CCDC73: variants seen among roughly 807,000 people sequenced by gnomAD.
CCDC73 encodes the protein coiled-coil domain-containing protein 73.
A neutral mutation model predicts 116.5 loss-of-function variants in CCDC73; 95 were observed. The observed-to-expected ratio is 0.82, with a 90% CI of 0.69 to 0.97. The LOEUF (loss-of-function observed/expected upper bound fraction) is 0.97, where lower values mean the gene tolerates loss of function less well. CCDC73 is among the 50% of genes least tolerant of loss of function. The probability of loss-of-function intolerance (pLI) is 0.00; values close to 1 mark genes in which losing one functional copy is unlikely to be tolerated. For synonymous variants in CCDC73, 398 were observed against 401.3 expected (o/e 0.99, Z 0.10); for missense variants, 1,066 against 1,206.8 (o/e 0.88, Z 1.73).
At position 32,613,489 on chromosome 11, in the gene CCDC73, T is replaced by C; in HGVS notation, c.2829A>G (p.Lys943=). Reference sequence around the variant, plus strand: ...TACAAAGAGCCATTGAAATGATCTTTTTGTTTTCTGATGGATCTAGTGGTC... The same window carrying C: ...TACAAAGAGCCATTGAAATGATCTTCTTGTTTTCTGATGGATCTAGTGGTC... ...KERPLDPSEN[K]KIISMALCKN... The change falls in exon 16 of 18, where the codon AAA becomes AAG. Residue 943 remains lysine, a synonymous_variant. Transcript: ENST00000335185. 1 of 1,614,138 alleles carries C rather than the reference T, an allele frequency of 6.2e-7. No individual in the cohort carries two copies. Among genetic ancestry groups the C allele is most frequent in the African/African-American group, 1.3e-5 (1 of 75,052 alleles).
intron 3 of CCDC73, among the ~76,000 whole-genome samples, chr11:32,706,202 A>C (rs1290344938): frequency 1.3e-5 from 2 of 152,200 alleles, no homozygotes. Flanking sequence ...CAAGGAAGGA[A>C]GGAAAGAATG....
intron 6 of CCDC73, among the ~76,000 whole-genome samples, chr11:32,689,864 G>A (rs7932758): frequency 0.57 from 86,348 of 151,718 alleles, 24,989 homozygotes; most frequent in East Asian, 0.84. Context: ...GAGTGGTGGC[G>A]GGCGCCTGTG....
At chr11:32,659,153 A>G in intron 9 of CCDC73, among the ~76,000 whole-genome samples, 1 of 152,198 alleles carries the variant, frequency 6.6e-6, no homozygotes, top group East Asian at 1.9e-4. Flanking sequence ...TAAAGTTTCT[A>G]TGTATCAGTC....
chr11:32,679,602 A>T (rs1196783083), intron 7 of CCDC73, among the ~76,000 whole-genome samples: 1 of 152,076 alleles, frequency 6.6e-6, no homozygotes, highest in Non-Finnish European at 1.5e-5. Flanking sequence ...GAACCCAGGC[A>T]ATCCACCCGC....
chr11:32,763,478 C>T (rs1250813146), intron 1 of CCDC73, among the ~76,000 whole-genome samples: 1 of 152,348 alleles, frequency 6.6e-6, no homozygotes, highest in East Asian at 1.9e-4. Flanking sequence ...GATACCCAGG[C>T]AAACAGGGTC....
chr11:32,668,820 G>A (rs4756149), intron 9 of CCDC73, among the ~76,000 whole-genome samples: 37,474 of 152,102 alleles, frequency 0.25, 5,807 homozygotes, highest in East Asian at 0.79. Context: ...AGTAGACGGT[G>A]AGTGGTAAAC....
intron 1 of CCDC73, among the ~76,000 whole-genome samples, chr11:32,787,691 T>C (rs946900118): frequency 5.3e-5 from 8 of 152,296 alleles, no homozygotes; most frequent in Non-Finnish European, 7.4e-5. Context: ...ATGTAAAATA[T>C]GGATGGCATT....
intron 14 of CCDC73, among the ~76,000 whole-genome samples, chr11:32,632,735 G>A (rs528871165): frequency 7.9e-5 from 12 of 151,924 alleles, no homozygotes; most frequent in African/African-American, 2.9e-4. Flanking sequence ...ATGTTTATAT[G>A]TGTGTGTGTA....
At chr11:32,740,452 T>G (rs1850173417) in intron 2 of CCDC73, among the ~76,000 whole-genome samples, 1 of 152,034 alleles carries the variant, frequency 6.6e-6, no homozygotes, top group South Asian at 2.1e-4. Context: ...ATTTATCCAT[T>G]TCTTCTAGGT....
chr11:32,654,927 A>C lies in CCDC73; in HGVS notation c.691T>G (p.Cys231Gly). Residue 231 changes from cysteine to glycine, a missense_variant, in exon 10 of 18, where the codon TGT (cysteine) becomes GGT (glycine). Coordinates refer to ENST00000335185, the MANE Select transcript of CCDC73 (RefSeq NM_001008391.4). ...ASDLIKSKVT[C>G]QYKMGEENIN... Reference sequence around the variant, plus strand: ...TTTTCTTCTCCCATCTTATATTGACATGTGACTTTGGACTTTATCAAGTCT... The same window carrying C: ...TTTTCTTCTCCCATCTTATATTGACCTGTGACTTTGGACTTTATCAAGTCT... 1 of 1,604,138 alleles carries C rather than the reference A, an allele frequency of 6.2e-7. No individual in the cohort carries two copies. Among genetic ancestry groups the C allele is most frequent in the Admixed American group, 1.7e-5 (1 of 57,242 alleles).
chr11:32,638,857 C>T (rs1356932961), intron 13 of CCDC73, among the ~76,000 whole-genome samples: 3 of 151,384 alleles, frequency 2.0e-5, no homozygotes, highest in South Asian at 2.1e-4. Context: ...GCTTAAACCT[C>T]ATTTCATCAG....
At chr11:32,701,376 C>T (rs12286034) in intron 4 of CCDC73, among the ~76,000 whole-genome samples, 1,572 of 152,072 alleles carry the variant, frequency 0.01, 26 homozygotes, top group African/African-American at 0.036. Flanking sequence ...CATGTGCAGC[C>T]TAACAAATTA....
At chr11:32,636,826 T>G (rs528334253) in intron 13 of CCDC73, among the ~76,000 whole-genome samples, 1 of 151,894 alleles carries the variant, frequency 6.6e-6, no homozygotes, top group Admixed American at 6.6e-5. Context: ...AAACTCTCCA[T>G]GTGTTCTTCA....
At chr11:32,607,704 A>C (rs1030503991) in intron 17 of CCDC73, among the ~76,000 whole-genome samples, 1 of 152,280 alleles carries the variant, frequency 6.6e-6, no homozygotes, top group African/African-American at 2.4e-5. Context: ...AATGATACAC[A>C]CATACACCAA....
intron 16 of CCDC73, among the ~76,000 whole-genome samples, chr11:32,611,680 A>G (rs1855424018): frequency 6.6e-6 from 1 of 152,226 alleles, no homozygotes; most frequent in Admixed American, 6.5e-5. Flanking sequence ...TTTATAAACT[A>G]TTTAAAGAAA....
the CCDC73 span, among the ~76,000 whole-genome samples, chr11:32,801,003 C>G: frequency 6.6e-6 from 1 of 152,170 alleles, no homozygotes; most frequent in East Asian, 1.9e-4. Context: ...AAATCACTTG[C>G]TCTATTCCTT....
rs182252559 is a variant in CCDC73 at position 32,697,945 on chromosome 11, C to T, written c.390+1306G>A. Among the ~76,000 whole-genome samples, 714 of 151,220 alleles carry T rather than the reference C, an allele frequency of 4.7e-3. 2 individuals are homozygous for T. The highest frequency in any genetic ancestry group is 8.3e-3 in the Non-Finnish European group (561 of 67,886). ...ACCCAATAGGTCCTTTTTTGATCCTCACCTTCCTCCCATCCTCCACGCTCA... is the reference window on the plus strand; with the variant it reads ...ACCCAATAGGTCCTTTTTTGATCCTTACCTTCCTCCCATCCTCCACGCTCA... On this transcript the variant is annotated intron_variant, in intron 6 of 17. Coordinates refer to ENST00000335185, the MANE Select transcript of CCDC73 (RefSeq NM_001008391.4).
intron 2 of CCDC73, among the ~76,000 whole-genome samples, chr11:32,721,700 T>G (rs1199001402): frequency 8.1e-6 from 1 of 123,644 alleles, no homozygotes; most frequent in Non-Finnish European, 1.7e-5. Context: ...TTCACACCAT[T>G]CTCCTGCCTC....
At chr11:32,695,444 G>C (rs912796089) in intron 6 of CCDC73, among the ~76,000 whole-genome samples, 7 of 152,084 alleles carry the variant, frequency 4.6e-5, no homozygotes, top group Non-Finnish European at 1.0e-4. Context: ...TGCATAGCTG[G>C]AAATTAAATG....
Sources: gnomAD v4.1 joint callset for allele counts (sites outside exome capture counted in the v4.1 genomes callset) on GRCh38, gnomAD v4.1.1 for gene constraint, MANE v1.5 for transcripts, NCBI Gene and HGNC (gene_info 2026-07-23, HGNC 2026-07-21) for gene names.